Variants in PRP4K observed in about 807,000 individuals in gnomAD.
PRP4K encodes the protein serine/threonine-protein kinase PRP4 homolog.
At chr6:4,042,565 T>C in the PRP4K span, 2 of 1,596,742 alleles carry the variant, frequency 1.3e-6, no homozygotes, top group South Asian at 2.3e-5. Flanking sequence ...AGGCAATTGT[T>C]CAGGTATGTG....
chr6:4,021,622 C>A, the PRP4K span, among the ~76,000 whole-genome samples: 3 of 152,180 alleles, frequency 2.0e-5, no homozygotes, highest in Admixed American at 6.5e-5. Context: ...GGGGAGCAGG[C>A]GGCCTTCGAG....
At chr6:4,042,638 AT>A in the PRP4K span, 1 of 1,214,810 alleles carries the variant, frequency 8.2e-7, no homozygotes, top group Non-Finnish European at 1.2e-6. Context: ...AAAATGTAGC[AT>A]TAATAACAGT....
chr6:4,051,305 GTTTGTT>G, the PRP4K span, among the ~76,000 whole-genome samples: 3 of 151,904 alleles, frequency 2.0e-5, no homozygotes, highest in African/African-American at 7.3e-5. Context: ...TTGTTTTTTT[GTTTGTT>G]TTTGTTTGTT....
the PRP4K span, chr6:4,052,712 C>T: frequency 6.6e-7 from 1 of 1,523,820 alleles, no homozygotes; most frequent in African/African-American, 1.4e-5. Flanking sequence ...TTAATTTTCT[C>T]CTAAAAGCAT....
the PRP4K span, chr6:4,047,399 T>G: frequency 1.4e-6 from 1 of 704,164 alleles, no homozygotes; most frequent in Admixed American, 3.1e-5. Flanking sequence ...TAGTTTTGCA[T>G]CTTATAAGTC....
chr6:4,053,669 T>C, the PRP4K span, among the ~76,000 whole-genome samples: 5 of 152,218 alleles, frequency 3.3e-5, 1 homozygote, highest in East Asian at 5.8e-4. Context: ...CCCATTACTT[T>C]ACCCTGTTTT....
At chr6:4,047,639 C>T in the PRP4K span, among the ~76,000 whole-genome samples, 17 of 152,136 alleles carry the variant, frequency 1.1e-4, no homozygotes, top group East Asian at 3.1e-3. Context: ...TGATTGAGAA[C>T]TTATTAATAG....
the PRP4K span, chr6:4,031,447 C>A: frequency 2.4e-6 from 2 of 824,098 alleles, no homozygotes; most frequent in Non-Finnish European, 3.6e-6. Context: ...ATTTTAGTGA[C>A]TGACTTCATG....
chr6:4,038,919 C>CTTTTTTTTTTTTTTT, the PRP4K span, among the ~76,000 whole-genome samples: 2 of 144,288 alleles, frequency 1.4e-5, no homozygotes, highest in African/African-American at 2.6e-5. Context: ...AATTTTTGTG[C>CTTTTTTTTTTTTTTT]TTTTTTTTTT....
chr6:4,046,322 T>C, the PRP4K span, among the ~76,000 whole-genome samples: 12,692 of 152,312 alleles, frequency 0.083, 610 homozygotes, highest in Non-Finnish European at 0.098. Flanking sequence ...GTTTAGCTAG[T>C]ATCAGAGGTC....
the PRP4K span, among the ~76,000 whole-genome samples, chr6:4,029,010 A>ATTTTTTTTTTTT: frequency 5.4e-5 from 6 of 110,146 alleles, no homozygotes; most frequent in Non-Finnish European, 9.9e-5. Flanking sequence ...TCTACTTGGA[A>ATTTTTTTTTTTT]TCTTTTTTTT....
the PRP4K span, among the ~76,000 whole-genome samples, chr6:4,046,742 C>T: frequency 6.6e-6 from 1 of 151,732 alleles, no homozygotes; most frequent in African/African-American, 2.4e-5. Flanking sequence ...ACTGCTACCT[C>T]CCTCTCCCAG....
chr6:4,064,000 T>G, the PRP4K span: 1 of 152,190 alleles, frequency 6.6e-6, no homozygotes, highest in African/African-American at 2.4e-5. Context: ...AGTTGAGATC[T>G]GGAAAGCATA....
At chr6:4,032,785 T>A in the PRP4K span, 2 of 1,512,810 alleles carry the variant, frequency 1.3e-6, no homozygotes, top group Non-Finnish European at 1.8e-6. Flanking sequence ...TTAAAGCTTT[T>A]TACCAGTGCA....
the PRP4K span, among the ~76,000 whole-genome samples, chr6:4,036,985 CAAAAAAAAAA>C: frequency 3.5e-5 from 4 of 113,906 alleles, no homozygotes; most frequent in Admixed American, 9.2e-5. Context: ...GACCCTGTCT[CAAAAAAAAAA>C]AAAAAAAAAA....
chr6:4,054,212 C>A, the PRP4K span, among the ~76,000 whole-genome samples: 9 of 152,058 alleles, frequency 5.9e-5, no homozygotes, highest in African/African-American at 2.2e-4. Flanking sequence ...AAGATAAATT[C>A]TTTAAAAAAT....
chr6:4,059,805 CT>C, the PRP4K span, among the ~76,000 whole-genome samples: 2 of 152,122 alleles, frequency 1.3e-5, no homozygotes, highest in Non-Finnish European at 2.9e-5. Context: ...GCCACCACGC[CT>C]GGATAATTTT....
At chr6:4,054,433 G>A in the PRP4K span, among the ~76,000 whole-genome samples, 1 of 149,756 alleles carries the variant, frequency 6.7e-6, no homozygotes, top group Non-Finnish European at 1.5e-5. Context: ...TAGGGGAGCT[G>A]AGTAATTTCA....
the PRP4K span, chr6:4,062,245 C>T: frequency 6.6e-6 from 1 of 152,628 alleles, no homozygotes; most frequent in African/African-American, 2.4e-5. This position sits in a 1 kb window ranked among gnomAD's most constrained non-coding sequence, Gnocchi z 4.2. Flanking sequence ...GGCCATTCGA[C>T]GCCTTCTCCA....
Sources: allele counts gnomAD v4.1 joint callset (sites outside exome capture counted in the v4.1 genomes callset), GRCh38; gene constraint gnomAD v4.1.1; non-coding constraint Gnocchi (gnomAD v3.1); transcripts MANE v1.5; gene names NCBI Gene and HGNC (gene_info 2026-07-23, HGNC 2026-07-21).